The following PRRX1 variants were observed in gnomAD, a reference collection of about 807,000 sequenced individuals.
PRRX1 encodes paired mesoderm homeobox protein 1.
PRRX1 carries 8 observed loss-of-function variants against 24.0 expected under a neutral mutation model. The ratio of observed to expected loss-of-function variants is 0.33; its 90% confidence interval spans 0.20 to 0.60. PRRX1 has a LOEUF of 0.60. PRRX1 is among the 20% of genes least tolerant of loss of function. The pLI is 0.82. For synonymous variants in PRRX1, 160 were observed against 131.7 expected (o/e 1.22, Z -1.47); for missense variants, 281 against 322.4 (o/e 0.87, Z 0.98).
chr1:170,691,543 C>T (rs1430921309), intron 1 of PRRX1, among the ~76,000 whole-genome samples: 2 of 146,238 alleles, frequency 1.4e-5, no homozygotes, highest in African/African-American at 5.1e-5. Context: ...CTCTTCCTTC[C>T]TTCCTCCCTC....
At chr1:170,697,733 C>G (rs911437272) in intron 1 of PRRX1, among the ~76,000 whole-genome samples, 1 of 142,608 alleles carries the variant, frequency 7.0e-6, no homozygotes, top group Admixed American at 7.0e-5. Flanking sequence ...TAAATATATA[C>G]ATATATAAAT....
intron 1 of PRRX1, among the ~76,000 whole-genome samples, chr1:170,680,621 AAATCTTGTTGTTGCAT>A (rs1653475290): frequency 6.6e-6 from 1 of 152,200 alleles, no homozygotes; most frequent in African/African-American, 2.4e-5. Context: ...ATGCTCCTGC[AAATCTTGTTGTTGCAT>A]AATTAAGTAC....
At chr1:170,686,269 A>C (rs996937743) in intron 1 of PRRX1, among the ~76,000 whole-genome samples, 1 of 152,166 alleles carries the variant, frequency 6.6e-6, no homozygotes, top group African/African-American at 2.4e-5. Context: ...CTCGGAAAAA[A>C]TGCTAGCTTA....
At chr1:170,728,741 T>G (rs1054975538) in intron 3 of PRRX1, 9 of 152,230 alleles carry the variant, frequency 5.9e-5, no homozygotes, top group Non-Finnish European at 1.0e-4. Flanking sequence ...AGTGTTTATA[T>G]TTTGGTTGAT....
At chr1:170,686,768 C>T (rs1485794869) in intron 1 of PRRX1, among the ~76,000 whole-genome samples, 1 of 151,984 alleles carries the variant, frequency 6.6e-6, no homozygotes, top group African/African-American at 2.4e-5. Flanking sequence ...TTGCACACTC[C>T]AGAGTTTCTT....
intron 1 of PRRX1, among the ~76,000 whole-genome samples, chr1:170,705,895 A>ACC (rs1654540726): frequency 6.7e-6 from 1 of 148,382 alleles, no homozygotes; most frequent in Admixed American, 6.8e-5. Flanking sequence ...TCTCTGGGCT[A>ACC]AGTCACACAT....
At chr1:170,675,273 T>G (rs1349284984) in intron 1 of PRRX1, among the ~76,000 whole-genome samples, 1 of 152,160 alleles carries the variant, frequency 6.6e-6, no homozygotes, top group East Asian at 1.9e-4. Context: ...TGTCTTCTTT[T>G]GAAATGGGAA....
At chr1:170,680,134 T>C (rs939684592) in intron 1 of PRRX1, among the ~76,000 whole-genome samples, 6 of 152,190 alleles carry the variant, frequency 3.9e-5, no homozygotes, top group African/African-American at 1.4e-4. Context: ...TAAGGTACGT[T>C]TCAGGGCTCT....
At chr1:170,720,553 A>G (rs1655049378) in intron 2 of PRRX1, among the ~76,000 whole-genome samples, 1 of 152,096 alleles carries the variant, frequency 6.6e-6, no homozygotes, top group South Asian at 2.1e-4. Flanking sequence ...TTTACTCTGC[A>G]CCCTTAGATT....
intron 1 of PRRX1, among the ~76,000 whole-genome samples, chr1:170,709,150 G>C (rs1049675617): frequency 1.3e-5 from 2 of 152,198 alleles, no homozygotes; most frequent in African/African-American, 4.8e-5. Context: ...TGTCATAAGT[G>C]TTATAAAGCA....
chr1:170,712,567 T>C (rs992966125), intron 1 of PRRX1, among the ~76,000 whole-genome samples: 21 of 152,224 alleles, frequency 1.4e-4, no homozygotes, highest in Non-Finnish European at 1.9e-4. Context: ...CAGCCCATTT[T>C]TGAGAACACA....
At chr1:170,707,868 A>G (rs1654616426) in intron 1 of PRRX1, among the ~76,000 whole-genome samples, 1 of 152,216 alleles carries the variant, frequency 6.6e-6, no homozygotes. Flanking sequence ...TTTTAGAAAT[A>G]GGGAAAACCT....
Position 170,736,468 on chromosome 1 carries a change from C to T in PRRX1, c.*282C>T, listed in dbSNP as rs1288063529. The T allele has an allele frequency of 2.2e-6, 1 of 452,036 alleles. No homozygotes were observed. Among genetic ancestry groups the T allele is most frequent in the Non-Finnish European group, 4.1e-6 (1 of 246,078 alleles). The allele number at this position is 452,036 out of a possible 1,614,324, so 28.0% of individuals were successfully genotyped here. ...CATGCTTTGCTTAATGTACTCCAGG[C>T]TTCTTCAGCTAGGTTCAGCCCACCC... On this transcript the variant is annotated 3_prime_UTR_variant, in exon 4 of 4. Coordinates refer to ENST00000239461, the MANE Select transcript of PRRX1 (RefSeq NM_022716.4).
At chr1:170,728,720 A>G (rs1336534719) in intron 3 of PRRX1, 2 of 152,244 alleles carry the variant, frequency 1.3e-5, no homozygotes, top group Non-Finnish European at 2.9e-5. Context: ...TTTTGATCCA[A>G]TGTTGACTGA....
intron 1 of PRRX1, among the ~76,000 whole-genome samples, chr1:170,690,812 G>T (rs752997053): frequency 1.3e-5 from 2 of 152,078 alleles, no homozygotes; most frequent in Non-Finnish European, 2.9e-5. Flanking sequence ...AAATTTAGAA[G>T]ATATTCAGAG....
At chr1:170,681,690 C>T (rs1285067257) in intron 1 of PRRX1, among the ~76,000 whole-genome samples, 2 of 152,088 alleles carry the variant, frequency 1.3e-5, no homozygotes, top group Non-Finnish European at 2.9e-5. Flanking sequence ...AAAAGTATGG[C>T]CTTGAACATG....
chr1:170,709,376 T>C (rs1014993115), intron 1 of PRRX1, among the ~76,000 whole-genome samples: 1 of 152,052 alleles, frequency 6.6e-6, no homozygotes, highest in Non-Finnish European at 1.5e-5. Context: ...GACAAGAAAA[T>C]TATGTTTTTA....
chr1:170,686,535 A>C lies in PRRX1; in HGVS notation c.241+22076A>C, dbSNP rs76129566. Reference sequence around the variant, plus strand: ...AGGTCAGCAATTCTGACACTGATTCAAATTCTAGCCTTAGGGGGTAGCTGT... The same window carrying C: ...AGGTCAGCAATTCTGACACTGATTCCAATTCTAGCCTTAGGGGGTAGCTGT... On this transcript the variant is annotated intron_variant, in intron 1 of 3. Transcript: ENST00000239461. Among the ~76,000 whole-genome samples the C allele has an allele frequency of 4.1e-3, 625 of 152,304 alleles. 4 individuals are homozygous for C. Among genetic ancestry groups the C allele is most frequent in the African/African-American group, 0.014 (590 of 41,574 alleles).
intron 1 of PRRX1, among the ~76,000 whole-genome samples, chr1:170,689,266 CTCTT>C (rs967215148): frequency 3.3e-5 from 5 of 152,056 alleles, no homozygotes; most frequent in Admixed American, 6.6e-5. Context: ...TTTAGTGAGA[CTCTT>C]TCTGTGGAGC....
Sources: allele counts gnomAD v4.1 joint callset (sites outside exome capture counted in the v4.1 genomes callset), GRCh38; gene constraint gnomAD v4.1.1; transcripts MANE v1.5; gene names NCBI Gene and HGNC (gene_info 2026-07-23, HGNC 2026-07-21).